MCC: variants seen among roughly 807,000 people sequenced by gnomAD.
MCC encodes the protein colorectal mutant cancer protein.
A neutral mutation model predicts 116.2 loss-of-function variants in MCC; 90 were observed. That is an observed-to-expected ratio of 0.77 (90% CI 0.65 to 0.92). MCC has a LOEUF of 0.92. Ranked by LOEUF, MCC falls within the 40% of genes least tolerant of loss-of-function variation. The pLI, the probability that MCC is intolerant of heterozygous loss-of-function variation, is 0.00. For synonymous variants in MCC, 578 were observed against 510.5 expected, an observed-to-expected ratio of 1.13 and a Z score of -1.78; for missense variants, 1,516 against 1,312.2, an observed-to-expected ratio of 1.16 and a Z score of -2.40.
intron 1 of MCC, among the ~76,000 whole-genome samples, chr5:113,442,165 T>C (rs1366055032): frequency 6.6e-6 from 1 of 152,210 alleles, no homozygotes; most frequent in Non-Finnish European, 1.5e-5. Context: ...TAGCATCTGT[T>C]GCTTCCTGAC....
chr5:113,123,186 T>C (rs1425853504), intron 5 of MCC, among the ~76,000 whole-genome samples: 5 of 152,168 alleles, frequency 3.3e-5, no homozygotes, highest in African/African-American at 1.2e-4. Flanking sequence ...GTGAACCAAA[T>C]AACTAAGAGT....
chr5:113,350,972 A>T (rs1017097084), intron 2 of MCC, among the ~76,000 whole-genome samples: 1 of 152,174 alleles, frequency 6.6e-6, no homozygotes, highest in African/African-American at 2.4e-5. Context: ...ATGCAAATCA[A>T]AACTACAATG....
chr5:113,203,048 C>T (rs1352269525), intron 3 of MCC, among the ~76,000 whole-genome samples: 2 of 152,176 alleles, frequency 1.3e-5, no homozygotes, highest in East Asian at 3.9e-4. Context: ...CTTTTGGTGA[C>T]CACTCCCCTT....
chr5:113,082,488 T>C (rs1038016146), intron 11 of MCC, among the ~76,000 whole-genome samples: 3 of 152,342 alleles, frequency 2.0e-5, no homozygotes, highest in African/African-American at 7.2e-5. Flanking sequence ...TGTGACCTAC[T>C]TGCCATTCTG....
intron 6 of MCC, among the ~76,000 whole-genome samples, chr5:113,121,517 A>T (rs1757734526): frequency 6.6e-6 from 1 of 152,104 alleles, no homozygotes; most frequent in Non-Finnish European, 1.5e-5. Context: ...GACCTGCTTA[A>T]TTCCTACTGA....
intron 1 of MCC, among the ~76,000 whole-genome samples, chr5:113,394,143 A>G (rs1211478395): frequency 6.6e-5 from 10 of 151,976 alleles, no homozygotes; most frequent in Non-Finnish European, 1.2e-4. Context: ...CCTTCAACCT[A>G]CATAAATTAT....
intron 1 of MCC, among the ~76,000 whole-genome samples, chr5:113,457,847 A>T (rs896468022): frequency 1.7e-4 from 25 of 151,254 alleles, no homozygotes; most frequent in African/African-American, 5.4e-4. Flanking sequence ...TATCTAGCTC[A>T]AGGTTTGTAA....
intron 3 of MCC, among the ~76,000 whole-genome samples, chr5:113,266,659 G>C (rs1439274386): frequency 6.6e-6 from 1 of 152,116 alleles, no homozygotes; most frequent in Admixed American, 6.6e-5. Flanking sequence ...GGGATTATAG[G>C]CGTGAGCCAC....
intron 1 of MCC, among the ~76,000 whole-genome samples, chr5:113,389,349 GCT>G (rs1476183884): frequency 2.6e-5 from 4 of 152,106 alleles, no homozygotes; most frequent in Non-Finnish European, 4.4e-5. Context: ...TTGAATCTGG[GCT>G]GGCCTTGAGA....
intron 5 of MCC, among the ~76,000 whole-genome samples, chr5:113,125,728 A>G (rs941682398): frequency 6.6e-6 from 1 of 152,200 alleles, no homozygotes; most frequent in African/African-American, 2.4e-5. Flanking sequence ...TTATAAAGAC[A>G]AGATTTTGAG....
chr5:113,131,374 A>G (rs534686547), intron 5 of MCC, among the ~76,000 whole-genome samples: 1 of 152,322 alleles, frequency 6.6e-6, no homozygotes, highest in South Asian at 2.1e-4. Context: ...GTTAAGAGAA[A>G]GAGCACATAT....
At chr5:113,153,712 A>G (rs1158560965) in intron 3 of MCC, among the ~76,000 whole-genome samples, 1 of 152,212 alleles carries the variant, frequency 6.6e-6, no homozygotes, top group Non-Finnish European at 1.5e-5. Context: ...GAATCTATCT[A>G]TGGGCCCCTC....
chr5:113,249,473 C>G (rs1011484333), intron 3 of MCC, among the ~76,000 whole-genome samples: 1 of 152,200 alleles, frequency 6.6e-6, no homozygotes, highest in Non-Finnish European at 1.5e-5. Flanking sequence ...TCTGTGGAGA[C>G]AAGATTTCCT....
At chr5:113,433,389 A>G in intron 1 of MCC, 1 of 510,706 alleles carries the variant, frequency 2.0e-6, no homozygotes, top group Non-Finnish European at 3.8e-6. Flanking sequence ...CCCAAGGTGG[A>G]CAGCGGTGCC....
chr5:113,050,991 T>C (rs1412466167), intron 15 of MCC, among the ~76,000 whole-genome samples: 7 of 152,340 alleles, frequency 4.6e-5, no homozygotes, highest in Admixed American at 1.3e-4. Flanking sequence ...AGTAAACTTG[T>C]CATCTCTCAG....
At chr5:113,225,736 T>TC (rs1171880101) in intron 3 of MCC, among the ~76,000 whole-genome samples, 1 of 152,150 alleles carries the variant, frequency 6.6e-6, no homozygotes, top group Non-Finnish European at 1.5e-5. Context: ...AAACACAGGC[T>TC]CACAGGCATC....
At chr5:113,216,413 A>G (rs959924981) in intron 3 of MCC, among the ~76,000 whole-genome samples, 2 of 152,154 alleles carry the variant, frequency 1.3e-5, no homozygotes, top group Non-Finnish European at 2.9e-5. Flanking sequence ...TCTTTCTAAG[A>G]TGGTTCCCAT....
intron 12 of MCC, 67 bp downstream of exon 12, chr5:113,071,027 A>T: frequency 6.5e-7 from 1 of 1,541,070 alleles, no homozygotes; most frequent in Non-Finnish European, 8.8e-7. Context: ...TCCTACTTTT[A>T]TTCTGAAGGT....
At chr5:113,128,178 A>G (rs546290701) in intron 5 of MCC, among the ~76,000 whole-genome samples, 1 of 152,336 alleles carries the variant, frequency 6.6e-6, no homozygotes, top group African/African-American at 2.4e-5. Context: ...GTCACTAACT[A>G]TCCACATTAT....
Sources: gnomAD v4.1 joint callset for allele counts (sites outside exome capture counted in the v4.1 genomes callset) on GRCh38, gnomAD v4.1.1 for gene constraint, MANE v1.5 for transcripts, NCBI Gene and HGNC (gene_info 2026-07-23, HGNC 2026-07-21) for gene names.